The following NBPF26 variants were observed in gnomAD, a reference collection of about 807,000 sequenced individuals.
NBPF26 encodes the protein NBPF family member NBPF26.
A neutral mutation model predicts 119.6 loss-of-function variants in NBPF26; 79 were observed. The ratio of observed to expected loss-of-function variants is 0.66; its 90% CI spans 0.55 to 0.80. The LOEUF is 0.80. Ranked by LOEUF, NBPF26 falls within the 30% of genes least tolerant of loss-of-function variation. The pLI is 0.00. For missense variants in NBPF26, 800 were observed against 1,198.2 expected (o/e 0.67, Z 4.91); for synonymous variants, 299 against 457.7 (o/e 0.65, Z 4.43).
exon 3 of NBPF26, chr1:120,785,143 T>A: frequency 6.9e-7 from 1 of 1,446,676 alleles, no homozygotes; most frequent in Non-Finnish European, 9.2e-7. Context: ...ACCTCATCCA[T>A]GCTTTGTGTC....
chr1:120,816,828 G>A lies in NBPF26; in HGVS notation c.2371+1G>A. ...GAGGATGCTGTACACATTATTCCAG[G>A]TAGCCTCTGTTTTCCTTGTGTCTCA... On this transcript the variant is annotated splice_donor_variant, in intron 14 of 29. Transcript: ENST00000620612. LOFTEE classifies it high-confidence loss of function. 6.9e-7 allele frequency: 1 copy of A among 1,447,618 alleles called. No individual in the cohort carries two copies. Among genetic ancestry groups the A allele is most frequent in the Non-Finnish European group, 9.2e-7 (1 of 1,082,164 alleles). The allele number at this position is 1,447,618 out of a possible 1,614,324, so 89.7% of individuals were successfully genotyped here. A position where few individuals can be genotyped will look rare whatever the true frequency, so the allele number is the denominator to read the frequency against.
Position 120,840,301 on chromosome 1 carries a change from G to T in NBPF26, c.4104-49G>T, listed in dbSNP as rs1553273380. On this transcript the variant is annotated intron_variant, in intron 29 of 29. Coordinates refer to ENST00000620612, the Ensembl canonical transcript of NBPF26. ...CTTCTGAAATCTAGTGGGGCTCTGTGGTGTCCGATTTTCCCTGGCTGCTTC... is the reference window on the plus strand; with the variant it reads ...CTTCTGAAATCTAGTGGGGCTCTGTTGTGTCCGATTTTCCCTGGCTGCTTC... 9.7e-6 allele frequency: 14 copies of T among 1,443,718 alleles called. 2 individuals are homozygous for T. The highest frequency in any genetic ancestry group is 4.8e-4 in the Middle Eastern group (2 of 4,138). 89.4% of individuals were successfully genotyped at this position (1,443,718 alleles called of 1,614,324 possible). A position where few individuals can be genotyped will look rare whatever the true frequency, so the allele number is the denominator to read the frequency against.
intron 2 of NBPF26, among the ~76,000 whole-genome samples, chr1:120,778,598 A>G (rs1651326458): frequency 3.6e-5 from 1 of 27,890 alleles, no homozygotes; most frequent in Admixed American, 3.5e-4. Flanking sequence ...TTGAATGGCC[A>G]AATCCTCGTT....
At chr1:120,841,084 C>A, downstream of NBPF26, 1 of 67,856 alleles carries the variant, frequency 1.5e-5, no homozygotes, top group South Asian at 2.3e-4. Context: ...ATTTCAGAAC[C>A]ACCAACTGCT....
At chr1:120,813,287 C>T (rs1383695577) in intron 10 of NBPF26, among the ~76,000 whole-genome samples, 2 of 126,782 alleles carry the variant, frequency 1.6e-5, no homozygotes, top group Non-Finnish European at 3.2e-5. Flanking sequence ...TCTATTAGTT[C>T]TTCATTCTGC....
chr1:120,752,570 TTTTTC>T (rs1651035366), intron 1 of NBPF26, among the ~76,000 whole-genome samples: 6 of 33,602 alleles, frequency 1.8e-4, no homozygotes, highest in South Asian at 8.3e-4. Flanking sequence ...TTTTTTTTTT[TTTTTC>T]TTTTTTTTTT....
At chr1:120,763,772 C>T (rs1651158637) in intron 2 of NBPF26, 63 bp downstream of exon 2, 1 of 661,736 alleles carries the variant, frequency 1.5e-6, no homozygotes, top group Admixed American at 2.2e-5. Context: ...TTTGATTCTA[C>T]TCCTCTATTT....
rs1396110754 is a variant in NBPF26 at position 120,784,570 on chromosome 1, C to A, written c.156-404C>A. Among the ~76,000 whole-genome samples the A allele has an allele frequency of 6.8e-5, 8 of 118,028 alleles. 2 individuals are homozygous for A. Among genetic ancestry groups the A allele is most frequent in the Admixed American group, 1.6e-4 (2 of 12,420 alleles). 77.4% of individuals were successfully genotyped at this position (118,028 alleles called of 152,430 possible). A position where few individuals can be genotyped will look rare whatever the true frequency, so the allele number is the denominator to read the frequency against. ...CAACTCAAGTATTGTCAGTGAAGGT[C>A]TTCTCTGATTTTCCTATTCTAAACT... On this transcript the variant is annotated intron_variant, in intron 2 of 29. Coordinates refer to ENST00000620612, the Ensembl canonical transcript of NBPF26.
intron 1 of NBPF26, among the ~76,000 whole-genome samples, chr1:120,728,996 T>A (rs1243667518): frequency 8.6e-6 from 1 of 116,528 alleles, no homozygotes; most frequent in Non-Finnish European, 1.6e-5. Flanking sequence ...AGAACTTGTC[T>A]GGCATGTGCC....
chr1:120,776,387 A>G (rs1334038371), intron 2 of NBPF26, among the ~76,000 whole-genome samples: 1 of 65,066 alleles, frequency 1.5e-5, no homozygotes, highest in East Asian at 3.6e-4. Context: ...GGAAGTGAGA[A>G]GTAGTGTACT....
At chr1:120,770,218 G>A (rs1651246882) in intron 2 of NBPF26, among the ~76,000 whole-genome samples, 1 of 100,764 alleles carries the variant, frequency 9.9e-6, no homozygotes, top group Non-Finnish European at 1.8e-5. Flanking sequence ...GGCCCAGGCT[G>A]GAGTGCAGTG....
intron 2 of NBPF26, among the ~76,000 whole-genome samples, chr1:120,768,254 G>T (rs1270373424): frequency 8.9e-6 from 1 of 112,524 alleles, no homozygotes; most frequent in Non-Finnish European, 1.7e-5. Flanking sequence ...AGTGTGAGGG[G>T]CCTACCAAGC....
rs1196317294 is a variant in NBPF26, at chr1:120,763,658, G to A, written c.104G>A (p.Cys35Tyr). ...CAGTGTCGAGATGGCTATGAACCCT[G>A]TGTAAATAAAGGAATGTGTGTTACC... is the stretch of plus-strand genomic sequence containing the variant. The change falls in exon 2 of 30, where the codon TGT (cysteine) becomes TAT (tyrosine). Residue 35 changes from cysteine (C) to tyrosine (Y), a missense_variant. Around this residue, in one of 13 missense-constraint regions of NBPF26, gnomAD observed 209 missense variants for 285.2 expected, o/e 0.73. Transcript: ENST00000620612. The A allele has an allele frequency of 5.0e-6, 7 of 1,413,426 alleles. 1 individual carries two copies. Among genetic ancestry groups the A allele is most frequent in the Non-Finnish European group, 6.6e-6 (7 of 1,055,246 alleles). The allele number at this position is 1,413,426 out of a possible 1,614,324, so 87.6% of individuals were successfully genotyped here. A position where few individuals can be genotyped will look rare whatever the true frequency, so the allele number is the denominator to read the frequency against.
chr1:120,840,396 G>A, exon 30 of NBPF26: 1 of 1,463,826 alleles, frequency 6.8e-7, no homozygotes, highest in Admixed American at 1.8e-5. Context: ...AGTCTTGCAG[G>A]ACTCACTGGA....
chr1:120,764,344 C>A (rs1381565226), intron 2 of NBPF26, among the ~76,000 whole-genome samples: 6 of 101,356 alleles, frequency 5.9e-5, no homozygotes, highest in Non-Finnish European at 1.1e-4. Context: ...TAACATGTTA[C>A]CTATTATCTT....
exon 12 of NBPF26, chr1:120,814,892 G>C: frequency 8.0e-7 from 1 of 1,257,306 alleles, no homozygotes; most frequent in Non-Finnish European, 1.1e-6. Flanking sequence ...AGAAGTTGCG[G>C]GAAGGGAGAG....
chr1:120,810,504 G>A (rs1329584918), exon 9 of NBPF26: 3 of 1,552,160 alleles, frequency 1.9e-6, no homozygotes, highest in Non-Finnish European at 2.6e-6. Flanking sequence ...AACTCTGGTT[G>A]TAGACAGAGA....
At chr1:120,820,447 A>ATATAT (rs1237450716) in intron 15 of NBPF26, among the ~76,000 whole-genome samples, 1 of 10,836 alleles carries the variant, frequency 9.2e-5, no homozygotes, top group African/African-American at 5.4e-4. Flanking sequence ...AAGTATTAAA[A>ATATAT]ATATATATAT....
chr1:120,823,249 G>C, intron 16 of NBPF26, 60 bp from the exon 17 acceptor site: 1 of 828,574 alleles, frequency 1.2e-6, no homozygotes, highest in East Asian at 2.4e-5. Context: ...ACAGAGGAAT[G>C]TTTCTGTGTG....
Sources: gnomAD v4.1 joint callset for allele counts (sites outside exome capture counted in the v4.1 genomes callset) on GRCh38, gnomAD v4.1.1 for gene constraint, gnomAD v4.1.1 regional missense constraint, MANE v1.5 for transcripts, NCBI Gene and HGNC (gene_info 2026-07-23, HGNC 2026-07-21) for gene names.